The following NSD1 variants were observed in gnomAD, a reference collection of about 807,000 sequenced individuals.
The protein encoded by NSD1 is nuclear receptor binding SET domain protein 1, also known as histone-lysine N-methyltransferase, H3 lysine-36 specific.
Under a neutral mutation model 242.7 loss-of-function variants are expected in NSD1, and 26 were observed. The observed-to-expected ratio is 0.11, with a 90% CI of 0.08 to 0.15. The LOEUF is 0.15. Among genes scored for constraint, NSD1 ranks in the 10% least tolerant of loss-of-function variants. The pLI, the probability that NSD1 is intolerant of heterozygous loss-of-function variation, is 1.00. For synonymous variants in NSD1, 1,106 were observed against 1,178.1 expected, an observed-to-expected ratio of 0.94 and a Z score of 1.25; for missense variants, 2,495 against 3,272.8, an observed-to-expected ratio of 0.76 and a Z score of 5.80.
intron 2 of NSD1, among the ~76,000 whole-genome samples, chr5:177,172,249 T>C (rs1393905186): frequency 6.6e-6 from 1 of 152,142 alleles, no homozygotes; most frequent in Non-Finnish European, 1.5e-5. Flanking sequence ...TTCATGCCTA[T>C]TATAATCCTA....
intron 2 of NSD1, among the ~76,000 whole-genome samples, chr5:177,147,332 C>T (rs1167949732): frequency 3.9e-5 from 6 of 152,128 alleles, no homozygotes; most frequent in South Asian, 2.1e-4. Flanking sequence ...GTCTTGAACT[C>T]GTGAGCTCAA....
In NSD1 at chr5:177,296,838, G is replaced by GT. The variant is rs779527985; in HGVS notation, c.*1382dup. On this transcript the variant is annotated 3_prime_UTR_variant, in exon 23 of 23. Transcript: ENST00000439151. The stretch of plus-strand genomic sequence containing the variant: ...GCCAACAGGAAGTGCTGTTTGGCTA[G>GT]TTTCCTCCCACTTGTCTACCCCTCC... The GT allele has an allele frequency of 3.0e-4, 70 of 233,344 alleles. No individual in the cohort carries two copies. The highest frequency in any genetic ancestry group is 1.4e-3 in the South Asian group (8 of 5,534). The allele number at this position is 233,344 out of a possible 1,614,324, so 14.5% of individuals were successfully genotyped here. A position where few individuals can be genotyped will look rare whatever the true frequency, so the allele number is the denominator to read the frequency against.
At chr5:177,173,855 T>C (rs1346239564) in intron 2 of NSD1, among the ~76,000 whole-genome samples, 4 of 152,210 alleles carry the variant, frequency 2.6e-5, no homozygotes, top group Admixed American at 1.3e-4. Flanking sequence ...CTGAGAACAA[T>C]AGTCATTCAT....
chr5:177,254,530 G>T (rs764735995), intron 12 of NSD1, among the ~76,000 whole-genome samples: 2 of 152,086 alleles, frequency 1.3e-5, no homozygotes, highest in Non-Finnish European at 2.9e-5. Flanking sequence ...CTCCCGAGTA[G>T]CAAGGATACC....
intron 11 of NSD1, among the ~76,000 whole-genome samples, chr5:177,249,468 T>A (rs995070237): frequency 5.9e-5 from 9 of 151,618 alleles, no homozygotes; most frequent in African/African-American, 1.7e-4. Context: ...TATTTATTTA[T>A]TTATTTATTT....
chr5:177,265,158 C>G, intron 14 of NSD1: 2 of 761,972 alleles, frequency 2.6e-6, no homozygotes, highest in Admixed American at 3.4e-5. Context: ...CTAGCTTGCT[C>G]CACTCAGAGA....
At chr5:177,185,071 G>A (rs1339426244) in intron 2 of NSD1, among the ~76,000 whole-genome samples, 1 of 152,020 alleles carries the variant, frequency 6.6e-6, no homozygotes, top group Non-Finnish European at 1.5e-5. Context: ...TTAGAGTTGC[G>A]ATAATTTCTA....
At chr5:177,167,758 T>G (rs1315753658) in intron 2 of NSD1, among the ~76,000 whole-genome samples, 2 of 152,202 alleles carry the variant, frequency 1.3e-5, no homozygotes, top group African/African-American at 4.8e-5. Flanking sequence ...TGGGCTTATC[T>G]GGACGTAAGC....
At chr5:177,256,339 A>G (rs768509557) in intron 12 of NSD1, among the ~76,000 whole-genome samples, 7 of 129,772 alleles carry the variant, frequency 5.4e-5, no homozygotes, top group Non-Finnish European at 1.1e-4. Flanking sequence ...GCTGGAGTGC[A>G]CTGGTGTGAT....
chr5:177,233,010 G>A (rs1423475367), intron 5 of NSD1, among the ~76,000 whole-genome samples: 1 of 152,222 alleles, frequency 6.6e-6, no homozygotes, highest in East Asian at 1.9e-4. Flanking sequence ...GCATGTGTAA[G>A]TGTAAACTTG....
chr5:177,209,610 A>G (rs1224575652), intron 4 of NSD1, 26 bp from the exon 5 acceptor site: 2 of 1,578,384 alleles, frequency 1.3e-6, no homozygotes, highest in African/African-American at 2.7e-5. Context: ...GATAAGTGAT[A>G]ATTCTTTTTC....
intron 11 of NSD1, among the ~76,000 whole-genome samples, chr5:177,251,259 C>T (rs761563706): frequency 2.6e-5 from 4 of 152,088 alleles, no homozygotes; most frequent in East Asian, 1.9e-4. Context: ...ATTTCCTAAG[C>T]GCCTGTCTTA....
At chr5:177,151,318 AG>A (rs1400496395) in intron 2 of NSD1, among the ~76,000 whole-genome samples, 1 of 152,200 alleles carries the variant, frequency 6.6e-6, no homozygotes, top group Admixed American at 6.5e-5. Flanking sequence ...CAGGAGACGG[AG>A]GTTGCAGTGA....
At chr5:177,202,196 A>G (rs540819110) in intron 3 of NSD1, among the ~76,000 whole-genome samples, 1 of 151,730 alleles carries the variant, frequency 6.6e-6, no homozygotes, top group Admixed American at 6.6e-5. Context: ...TTGTTCAAGT[A>G]CTTCATTTGT....
chr5:177,263,677 A>G (rs559928017), intron 14 of NSD1, among the ~76,000 whole-genome samples: 19 of 152,354 alleles, frequency 1.2e-4, no homozygotes, highest in African/African-American at 4.3e-4. Context: ...TAAAGCACTC[A>G]TGCAACTGAG....
rs1760450947 is a variant in NSD1, at chr5:177,299,453, T to C, written c.*3994T>C. 4.3e-6 allele frequency: 1 copy of C among 233,110 alleles called. No homozygotes were observed. Among genetic ancestry groups the C allele is most frequent in the Non-Finnish European group, 8.5e-6 (1 of 118,040 alleles). The allele number at this position is 233,110 out of a possible 1,614,324, so 14.4% of individuals were successfully genotyped here. On this transcript the variant is annotated 3_prime_UTR_variant, in exon 23 of 23. Coordinates refer to ENST00000439151, the MANE Select transcript of NSD1 (RefSeq NM_022455.5). ...CTCAGGGCTGGGGCCACCTTGTCCA[T>C]AGCCTCCGTCCACGCTGCCTGGAGC...
chr5:177,198,629 A>ATAT lies in NSD1; in HGVS notation c.1064-5490_1064-5488dup, dbSNP rs1156816045. On this transcript the variant is annotated intron_variant, in intron 3 of 22. Transcript: ENST00000439151. ...AAAGGCCTCACCTGTAAACACCAACATATGGGGGGGTCAAGGCTTCAGAAT... is the reference window on the plus strand; with the variant it reads ...AAAGGCCTCACCTGTAAACACCAACATATTATGGGGGGGTCAAGGCTTCAGAAT... 9.9e-5 allele frequency among the ~76,000 whole-genome samples: 15 copies of ATAT among 152,018 alleles called. No individual in the cohort carries two copies. In the South Asian group the frequency reaches 1.9e-3, roughly 19 times the overall value.
At chr5:177,181,840 C>T (rs976625933) in intron 2 of NSD1, among the ~76,000 whole-genome samples, 3 of 151,544 alleles carry the variant, frequency 2.0e-5, no homozygotes, top group East Asian at 3.9e-4. Flanking sequence ...AGTTTGAGGC[C>T]ATCCGGGGAA....
At position 177,297,082 on chromosome 5, in the gene NSD1, T is replaced by C. The variant is rs1760304355; in HGVS notation, c.*1623T>C. 1 of 233,148 alleles carries C rather than the reference T, an allele frequency of 4.3e-6. No homozygotes were observed. Among genetic ancestry groups the C allele is most frequent in the Admixed American group, 5.6e-5 (1 of 17,780 alleles). 14.4% of individuals were successfully genotyped at this position (233,148 alleles called of 1,614,324 possible). ...TTATTATAGAAGCATTTGCGCTTTA[T>C]CTAAAGATTAAAAATAGAATCTGCT... On this transcript the variant is annotated 3_prime_UTR_variant, in exon 23 of 23. Coordinates refer to ENST00000439151, the MANE Select transcript of NSD1 (RefSeq NM_022455.5).
Sources: allele counts gnomAD v4.1 joint callset (sites outside exome capture counted in the v4.1 genomes callset), GRCh38; gene constraint gnomAD v4.1.1; transcripts MANE v1.5; gene names NCBI Gene and HGNC (gene_info 2026-07-23, HGNC 2026-07-21).